MAST4: variants seen among roughly 807,000 people sequenced by gnomAD.
The protein encoded by MAST4 is microtubule-associated serine/threonine-protein kinase 4.
A neutral mutation model predicts 162.7 loss-of-function variants in MAST4; 89 were observed. The observed-to-expected ratio is 0.55, with a 90% CI of 0.46 to 0.65. MAST4 has a LOEUF of 0.65. MAST4 is among the 30% of genes least tolerant of loss of function. MAST4 has a pLI of 0.00. For missense variants in MAST4, 3,153 were observed against 3,374.0 expected, an observed-to-expected ratio of 0.93 and a Z score of 1.62; for synonymous variants, 1,479 against 1,361.1, an observed-to-expected ratio of 1.09 and a Z score of -1.91.
At chr5:66,741,066 C>A (rs903369369) in intron 1 of MAST4, among the ~76,000 whole-genome samples, 1 of 152,164 alleles carries the variant, frequency 6.6e-6, no homozygotes, top group Non-Finnish European at 1.5e-5. Flanking sequence ...ACCCACCTTG[C>A]TTGCTTTTTC....
At chr5:67,073,349 A>C (rs1464962573) in intron 5 of MAST4, among the ~76,000 whole-genome samples, 1 of 152,216 alleles carries the variant, frequency 6.6e-6, no homozygotes, top group Non-Finnish European at 1.5e-5. Flanking sequence ...TTTCAAGCCA[A>C]AGTTGAGTTT....
chr5:66,824,717 T>C (rs1580543725), intron 3 of MAST4, among the ~76,000 whole-genome samples: 1 of 152,222 alleles, frequency 6.6e-6, no homozygotes, highest in East Asian at 1.9e-4. Flanking sequence ...TGAACATCAT[T>C]GAGTGTACTT....
rs143105637 is a variant in MAST4, at chr5:66,690,213, G to A, written c.364-69496G>A. On this transcript the variant is annotated intron_variant, in intron 1 of 28. Transcript: ENST00000403625. ...AACCACCATACTTGCCTTGTTTGCC[G>A]CAGAGAATTGTTAATTTGAGGGTCA... Among the ~76,000 whole-genome samples, 536 of 152,224 alleles carry A rather than the reference G, an allele frequency of 3.5e-3. 1 individual carries two copies. Among genetic ancestry groups the A allele is most frequent in the African/African-American group, 0.012 (498 of 41,548 alleles).
chr5:66,802,368 T>C (rs1755963026), intron 3 of MAST4, among the ~76,000 whole-genome samples: 1 of 152,200 alleles, frequency 6.6e-6, no homozygotes, highest in Non-Finnish European at 1.5e-5. Context: ...TTCATATAAC[T>C]AAACTAAGTA....
chr5:66,965,167 A>G (rs1746543515), intron 4 of MAST4, among the ~76,000 whole-genome samples: 1 of 148,652 alleles, frequency 6.7e-6, no homozygotes, highest in African/African-American at 2.5e-5. Flanking sequence ...GCTTTTATAC[A>G]GCATCCCCTG....
intron 3 of MAST4, among the ~76,000 whole-genome samples, chr5:66,844,139 C>CTGTG (rs59568297): frequency 0.023 from 2,413 of 104,502 alleles, 72 homozygotes; most frequent in East Asian, 0.036. Flanking sequence ...CCCAGTCAGC[C>CTGTG]TGTGTGTGTG....
intron 4 of MAST4, among the ~76,000 whole-genome samples, chr5:67,007,459 T>C (rs1339137437): frequency 6.6e-6 from 1 of 152,228 alleles, no homozygotes; most frequent in Admixed American, 6.5e-5. Flanking sequence ...TTAGTTCCTC[T>C]CCTGCACACT....
intron 5 of MAST4, among the ~76,000 whole-genome samples, chr5:67,084,483 T>G (rs1255685883): frequency 6.6e-6 from 1 of 152,212 alleles, no homozygotes; most frequent in Non-Finnish European, 1.5e-5. Flanking sequence ...CAAAGCCCTG[T>G]GCATAACAAG....
At chr5:66,661,007 G>A (rs186478015) in intron 1 of MAST4, among the ~76,000 whole-genome samples, 11 of 152,204 alleles carry the variant, frequency 7.2e-5, no homozygotes, top group Middle Eastern at 3.4e-3. Flanking sequence ...AGCATGTAGC[G>A]TTTTTTTATT....
At chr5:66,951,664 A>C (rs1248287127) in intron 4 of MAST4, among the ~76,000 whole-genome samples, 1 of 134,770 alleles carries the variant, frequency 7.4e-6, no homozygotes, top group Non-Finnish European at 1.6e-5. Context: ...ATTTTTTCCC[A>C]CTGATGAACC....
intron 4 of MAST4, among the ~76,000 whole-genome samples, chr5:66,998,418 A>G (rs1166168816): frequency 1.3e-5 from 2 of 152,236 alleles, no homozygotes; most frequent in African/African-American, 2.4e-5. Context: ...GCAATTCGTT[A>G]CCTATCATGG....
At chr5:67,095,064 T>C (rs1764290722) in intron 6 of MAST4, among the ~76,000 whole-genome samples, 1 of 152,196 alleles carries the variant, frequency 6.6e-6, no homozygotes, top group Non-Finnish European at 1.5e-5. Flanking sequence ...GCTAAAGTTA[T>C]TTGACACTTC....
chr5:66,999,972 T>G lies in MAST4; in HGVS notation c.675-54432T>G, dbSNP rs192147386. ...ATTAGAAACGCTTTCTTCAACCTGT[T>G]CCTCATTGATGTAACTTTCTTCCCA... On this transcript the variant is annotated intron_variant, in intron 4 of 28. Transcript: ENST00000403625. Among the ~76,000 whole-genome samples the G allele has an allele frequency of 2.0e-5, 3 of 152,328 alleles. No individual in the cohort carries two copies. In the East Asian group the frequency reaches 5.8e-4, roughly 29 times the overall value.
chr5:67,059,537 A>T (rs1759296244), intron 5 of MAST4, among the ~76,000 whole-genome samples: 1 of 152,204 alleles, frequency 6.6e-6, no homozygotes, highest in African/African-American at 2.4e-5. Context: ...ACTTAAGAGG[A>T]TGAGCCACAG....
chr5:66,916,908 C>T, intron 4 of MAST4: 1 of 699,338 alleles, frequency 1.4e-6, no homozygotes, highest in South Asian at 1.6e-5. Context: ...TTCTCCCCTC[C>T]CCACAACAAA....
chr5:66,629,687 T>C (rs1377274442), intron 1 of MAST4, among the ~76,000 whole-genome samples: 2 of 152,208 alleles, frequency 1.3e-5, no homozygotes, highest in East Asian at 3.8e-4. Flanking sequence ...CGTCTGCCCA[T>C]GGCCTCTGGG....
chr5:66,724,870 T>A (rs949604339), intron 1 of MAST4, among the ~76,000 whole-genome samples: 1 of 152,070 alleles, frequency 6.6e-6, no homozygotes, highest in Non-Finnish European at 1.5e-5. Flanking sequence ...TCTTAAATGG[T>A]CAATAATTTT....
intron 1 of MAST4, among the ~76,000 whole-genome samples, chr5:66,635,946 GTTTTTTTTTTTTTT>G (rs530576186): frequency 0.059 from 2,449 of 41,354 alleles, 125 homozygotes; most frequent in African/African-American, 0.19. Flanking sequence ...GATAGAGACT[GTTTTTTTTTTTTTT>G]TTTTTTTTTT....
intron 1 of MAST4, among the ~76,000 whole-genome samples, chr5:66,653,107 T>G (rs1378263077): frequency 6.6e-6 from 1 of 152,226 alleles, no homozygotes; most frequent in African/African-American, 2.4e-5. Flanking sequence ...TTAGCTAGTC[T>G]TAAGTGTTAC....
Sources: allele counts gnomAD v4.1 joint callset (sites outside exome capture counted in the v4.1 genomes callset), GRCh38; gene constraint gnomAD v4.1.1; transcripts MANE v1.5; gene names NCBI Gene and HGNC (gene_info 2026-07-23, HGNC 2026-07-21).